RFT1: variants seen among roughly 807,000 people sequenced by gnomAD.
RFT1 encodes the protein RFT1 glycolipid translocator homolog.
RFT1 carries 43 observed loss-of-function variants against 62.2 expected under a neutral mutation model. That is an observed-to-expected ratio of 0.69 (90% CI 0.54 to 0.89). RFT1 has a LOEUF of 0.89. RFT1 is among the 40% of genes least tolerant of loss of function. The pLI is 0.00. For missense variants in RFT1, 605 were observed against 649.9 expected (o/e 0.93, Z 0.75); for synonymous variants, 262 against 264.6 (o/e 0.99, Z 0.10).
Position 53,122,504 on chromosome 3 carries a change from T to G in RFT1, c.326A>C (p.Glu109Ala), listed in dbSNP as rs1384861869. Reference protein sequence around the residue: ...FLGWIWLQLLEVPDPNVVPHY... With the variant: ...FLGWIWLQLLAVPDPNVVPHY... ...AGGGACAACATTAGGATCAGGCACT[T>G]CAAGCAGCTGCAACCAGATCCAGCC... Residue 109 changes from glutamate (E) to alanine (A), a missense_variant, in exon 4 of 13, where the codon GAA becomes GCA. Glu to Ala is a moderately radical substitution (Grantham distance 107). Coordinates refer to ENST00000296292, the MANE Select transcript of RFT1 (RefSeq NM_052859.4). 2.8e-5 allele frequency: 45 copies of G among 1,613,604 alleles called. No individual in the cohort carries two copies. The highest frequency in any genetic ancestry group is 3.6e-5 in the Non-Finnish European group (43 of 1,179,908).
chr3:53,088,265 C>A (rs184538568), downstream of RFT1, among the ~76,000 whole-genome samples: 1 of 152,180 alleles, frequency 6.6e-6, no homozygotes, highest in Non-Finnish European at 1.5e-5. Context: ...AAGGAGACAC[C>A]ACAGGCCTTT....
In RFT1 at chr3:53,130,426, A is replaced by G; in HGVS notation, c.-26T>C. 1.3e-6 allele frequency: 2 copies of G among 1,550,408 alleles called. No individual in the cohort carries two copies. Among genetic ancestry groups the G allele is most frequent in the Non-Finnish European group, 1.7e-6 (2 of 1,146,778 alleles). On this transcript the variant is annotated 5_prime_UTR_variant, in exon 1 of 13. Coordinates refer to ENST00000296292, the MANE Select transcript of RFT1 (RefSeq NM_052859.4). ...AGCCTCCGCGCCAGGCTCAGACACC[A>G]GGAAATGCCGCCGCCACTCCGTTTA...
chr3:53,120,285 C>T (rs779995475), intron 5 of RFT1, among the ~76,000 whole-genome samples: 19 of 152,200 alleles, frequency 1.2e-4, no homozygotes, highest in Non-Finnish European at 2.6e-4. Context: ...AACAGATGTA[C>T]ACTAGCTCAA....
At chr3:53,129,474 C>T (rs1702198506) in intron 1 of RFT1, among the ~76,000 whole-genome samples, 1 of 152,004 alleles carries the variant, frequency 6.6e-6, no homozygotes, top group Admixed American at 6.6e-5. Context: ...TTTCTTCTGC[C>T]CTCCATGTGC....
chr3:53,122,716 G>A (rs565625631), intron 3 of RFT1, among the ~76,000 whole-genome samples, 153 bp from the exon 4 acceptor site: 1 of 151,876 alleles, frequency 6.6e-6, no homozygotes, highest in Non-Finnish European at 1.5e-5. Context: ...TATGATTCAC[G>A]CCGCTTATCT....
At position 53,119,988 on chromosome 3, in the gene RFT1, CAT is replaced by C. The variant is rs767890258; in HGVS notation, c.590_591del (p.Tyr197CysfsTer44). 6.2e-7 allele frequency: 1 copy of C among 1,608,348 alleles called. No individual in the cohort carries two copies. The highest frequency in any genetic ancestry group is 1.3e-5 in the African/African-American group (1 of 74,624). On this transcript the variant is annotated frameshift_variant, in exon 6 of 13. Coordinates refer to ENST00000296292, the MANE Select transcript of RFT1 (RefSeq NM_052859.4). LOFTEE classifies it high-confidence loss of function. ...CCCAGTAACTTTGTGAAATAAATAACATAGCAGAGCACCAGAACTGTGGTATA... is the reference window on the plus strand; with the variant it reads ...CCCAGTAACTTTGTGAAATAAATAACAGCAGAGCACCAGAACTGTGGTATA... ...LFYTTVLVLC[Y>X]VIYFTKLLGS...
At position 53,123,834 on chromosome 3, in the gene RFT1, C is replaced by T. The variant is rs775437985; in HGVS notation, c.156G>A (p.Thr52=). The T allele has an allele frequency of 4.3e-6, 7 of 1,613,038 alleles. No individual in the cohort carries two copies. Among genetic ancestry groups the T allele is most frequent in the African/African-American group, 1.3e-5 (1 of 74,890 alleles). Residue 52 remains threonine (T), a synonymous_variant, in exon 3 of 13, where the codon ACG becomes ACA. Transcript: ENST00000296292. ...GGAAGAGGGTGGTTGAGTAAAGCAG[C>T]GTTAGTCTGTAAATGAAAGGGAGAA... ...EIVGVVNVRL[T]LLYSTTLFLA...
chr3:53,104,824 T>C (rs1030807620), intron 9 of RFT1, among the ~76,000 whole-genome samples: 1 of 152,226 alleles, frequency 6.6e-6, no homozygotes, highest in Non-Finnish European at 1.5e-5. Context: ...TACTCCTAGA[T>C]TAAAATCTCT....
rs1700961086 is a variant in RFT1 at position 53,090,557 on chromosome 3, T to G, written c.*1346A>C. The G allele has an allele frequency of 6.6e-6, 1 of 152,192 alleles. No homozygotes were observed. Among genetic ancestry groups the G allele is most frequent in the Non-Finnish European group, 1.5e-5 (1 of 68,038 alleles). The allele number at this position is 152,192 out of a possible 1,614,324, so 9.4% of individuals were successfully genotyped here. On this transcript the variant is annotated 3_prime_UTR_variant, in exon 13 of 13. Transcript: ENST00000296292. ...GCCCCAGTCTTGGTGTACTGACAGG[T>G]CTTAATCCTTAGCCCCTGGGTACTG...
chr3:53,087,918 C>T (rs1048005270), downstream of RFT1, among the ~76,000 whole-genome samples: 1 of 152,186 alleles, frequency 6.6e-6, no homozygotes, highest in Non-Finnish European at 1.5e-5. Flanking sequence ...AATGAGTCAC[C>T]GAGTTCTCTG....
intron 11 of RFT1, among the ~76,000 whole-genome samples, chr3:53,094,246 C>T (rs1559580037): frequency 6.6e-6 from 1 of 152,090 alleles, no homozygotes; most frequent in Non-Finnish European, 1.5e-5. Flanking sequence ...AGGCAAGCCA[C>T]TGCATCCCCC....
intron 11 of RFT1, among the ~76,000 whole-genome samples, chr3:53,097,837 T>C (rs1701186797): frequency 5.3e-5 from 8 of 152,220 alleles, no homozygotes. Context: ...TAAATTGAAA[T>C]AGACTTTTTC....
At chr3:53,113,946 T>C (rs1457457064) in intron 6 of RFT1, among the ~76,000 whole-genome samples, 1 of 152,178 alleles carries the variant, frequency 6.6e-6, no homozygotes, top group Non-Finnish European at 1.5e-5. Flanking sequence ...TCCCAAACAG[T>C]GCAGCCCTCA....
chr3:53,108,890 A>C (rs1034821499), intron 7 of RFT1, among the ~76,000 whole-genome samples: 7 of 147,508 alleles, frequency 4.7e-5, no homozygotes, highest in African/African-American at 1.8e-4. Context: ...GCTGGTCTCG[A>C]ATTCCTTACC....
At chr3:53,103,029 C>T (rs1559585733) in intron 10 of RFT1, 1 of 862,970 alleles carries the variant, frequency 1.2e-6, no homozygotes, top group East Asian at 1.2e-4. Flanking sequence ...CTTCTCACAG[C>T]ACAAGCCCCA....
At chr3:53,107,713 AC>A (rs1701527874) in intron 7 of RFT1, among the ~76,000 whole-genome samples, 1 of 151,804 alleles carries the variant, frequency 6.6e-6, no homozygotes, top group Non-Finnish European at 1.5e-5. Context: ...AGGTGAAGAC[AC>A]CAGCCAGGGC....
chr3:53,080,671 C>G, the RFT1 span, among the ~76,000 whole-genome samples: 4 of 152,210 alleles, frequency 2.6e-5, no homozygotes, highest in South Asian at 2.1e-4. Context: ...TAGAGCTAGG[C>G]ATCCCTGTCT....
rs540648842 is a variant in RFT1, at chr3:53,126,067, T to C, written c.64-73A>G. The C allele has an allele frequency of 1.1e-3, 1,298 of 1,212,530 alleles. 5 individuals carry two copies. The highest frequency in any genetic ancestry group is 5.4e-3 in the Middle Eastern group (28 of 5,144). The allele number at this position is 1,212,530 out of a possible 1,614,324, so 75.1% of individuals were successfully genotyped here. ...GTTTACTTAGCTGAAATGAGAACAA[T>C]GTGGCTGTTCTTCCTAATGTGATGT... On this transcript the variant is annotated intron_variant, in intron 1 of 12. Transcript: ENST00000296292.
intron 6 of RFT1, among the ~76,000 whole-genome samples, chr3:53,115,176 G>C (rs142564640): frequency 6.6e-6 from 1 of 152,174 alleles, no homozygotes; most frequent in African/African-American, 2.4e-5. Context: ...TCTCATTGCA[G>C]GTTCAGGCTT....
Sources: gnomAD v4.1 joint callset for allele counts (sites outside exome capture counted in the v4.1 genomes callset) on GRCh38, gnomAD v4.1.1 for gene constraint, MANE v1.5 for transcripts, NCBI Gene and HGNC (gene_info 2026-07-23, HGNC 2026-07-21) for gene names.